Variants in NUP205 observed in about 807,000 individuals in gnomAD.
NUP205 encodes nucleoporin 205.
A neutral mutation model predicts 253.8 loss-of-function variants in NUP205; 76 were observed. That is an observed-to-expected ratio of 0.30 (90% CI 0.25 to 0.36). The LOEUF is 0.36. NUP205 is among the 10% of genes least tolerant of loss of function. The pLI is 1.00. For synonymous variants in NUP205, 832 were observed against 850.1 expected, an observed-to-expected ratio of 0.98 and a Z score of 0.37; for missense variants, 2,162 against 2,425.5, an observed-to-expected ratio of 0.89 and a Z score of 2.28.
rs1794299497 is a variant in NUP205 at position 135,614,075 on chromosome 7, T to C, written c.3196-84T>C. On this transcript the variant is annotated intron_variant, in intron 22 of 42. Coordinates refer to ENST00000285968, the MANE Select transcript of NUP205 (RefSeq NM_015135.3). The stretch of plus-strand genomic sequence containing the variant: ...TGATGGGTCCTAGTTTTTCACTTAG[T>C]AGGTCTAAGTTCATATTTTGTTACC... The C allele has an allele frequency of 5.7e-6, 4 of 703,496 alleles. No homozygotes were observed. In the East Asian group the frequency reaches 8.1e-5, roughly 14 times the overall value. The allele number at this position is 703,496 out of a possible 1,614,324, so 43.6% of individuals were successfully genotyped here. A position where few individuals can be genotyped will look rare whatever the true frequency, so the allele number is the denominator to read the frequency against.
Position 135,648,659 on chromosome 7 carries a change from AT to A in NUP205, c.*106del. ...AAATTATGACCAAAAATATTTTGCT[AT>A]TTCTTTCTTTGTATATGGACATCTT... On this transcript the variant is annotated 3_prime_UTR_variant, in exon 43 of 43. Transcript: ENST00000285968. The A allele has an allele frequency of 1.0e-6, 1 of 993,974 alleles. No individual in the cohort carries two copies. The highest frequency in any genetic ancestry group is 1.4e-6 in the Non-Finnish European group (1 of 732,710). The allele number at this position is 993,974 out of a possible 1,614,324, so 61.6% of individuals were successfully genotyped here.
chr7:135,644,838 T>C, intron 39 of NUP205, 57 bp from the exon 40 acceptor site: 1 of 1,567,394 alleles, frequency 6.4e-7, no homozygotes, highest in Non-Finnish European at 8.7e-7. Context: ...TAGTAGTTTT[T>C]CATTAAAAAT....
rs191643144 is a variant in NUP205 at position 135,647,261 on chromosome 7, C to G, written c.5886+1030C>G. 3.6e-3 allele frequency among the ~76,000 whole-genome samples: 550 copies of G among 152,308 alleles called. 6 individuals carry two copies. The highest frequency in any genetic ancestry group is 5.1e-3 in the Non-Finnish European group (350 of 68,018). On this transcript the variant is annotated intron_variant, in intron 42 of 42. Transcript: ENST00000285968. ...GTCCTTAGCCATGATTTGATAAAGC[C>G]TCTGCTCCTCCCAAATCCCTCTTTT...
intron 1 of NUP205, among the ~76,000 whole-genome samples, chr7:135,558,625 C>T (rs1805499398): frequency 6.6e-6 from 1 of 152,154 alleles, no homozygotes; most frequent in African/African-American, 2.4e-5. Flanking sequence ...TTCGGTGATT[C>T]TCAATTCGGG....
intron 2 of NUP205, among the ~76,000 whole-genome samples, chr7:135,571,552 T>G (rs1317377951): frequency 6.6e-6 from 1 of 152,056 alleles, no homozygotes. Flanking sequence ...AAAACTATCT[T>G]AAAAACTTTT....
At chr7:135,563,278 C>A (rs1419950998) in intron 1 of NUP205, among the ~76,000 whole-genome samples, 6 of 152,114 alleles carry the variant, frequency 3.9e-5, no homozygotes. Context: ...GCCTCCGCCT[C>A]CTGGGTTCAA....
intron 38 of NUP205, among the ~76,000 whole-genome samples, chr7:135,642,880 G>GTGTA (rs398006472): frequency 1.5e-3 from 207 of 141,328 alleles, no homozygotes; most frequent in Non-Finnish European, 2.0e-3. Flanking sequence ...GTGTGTGTGT[G>GTGTA]TAAGGTTTAT....
intron 13 of NUP205, among the ~76,000 whole-genome samples, chr7:135,595,741 C>T (rs1435963394): frequency 7.9e-5 from 12 of 152,060 alleles, no homozygotes; most frequent in Non-Finnish European, 8.8e-5. Flanking sequence ...GCATTCTTTT[C>T]TCTAGAGATA....
In NUP205 at chr7:135,598,162, G is replaced by A. The variant is rs1421392388; in HGVS notation, c.2229G>A (p.Val743=). Residue 743 remains valine (V), a synonymous_variant, in exon 15 of 43, where the codon GTG becomes GTA. Coordinates refer to ENST00000285968, the MANE Select transcript of NUP205 (RefSeq NM_015135.3). ...ATTTGCAGTTCCTTAGAGACTCTGT[G>A]TTTCTACGATTCCGTACAAGAGCTT... is the stretch of plus-strand genomic sequence containing the variant. ...DPYLQFLRDS[V]FLRFRTRAYR... The A allele has an allele frequency of 1.2e-6, 2 of 1,614,080 alleles. No homozygotes were observed.
In NUP205 at chr7:135,607,293, C is replaced by T; in HGVS notation, c.3117C>T (p.Ile1039=). 6.2e-7 allele frequency: 1 copy of T among 1,614,138 alleles called. No homozygotes were observed. The highest frequency in any genetic ancestry group is 8.5e-7 in the Non-Finnish European group (1 of 1,179,990). The change falls in exon 22 of 43, where the codon ATC becomes ATT. Residue 1039 remains isoleucine, a synonymous_variant. Coordinates refer to ENST00000285968, the MANE Select transcript of NUP205 (RefSeq NM_015135.3). ...PRTCLHAILN[I]LEKGTEGRTG... ...CATGCCTTCACGCCATTCTAAACAT[C>T]TTGGAGAAAGGAACGGAAGGGAGAA...
chr7:135,646,267 C>A (rs766256359), intron 42 of NUP205, 36 bp downstream of exon 42: 56 of 1,461,500 alleles, frequency 3.8e-5, no homozygotes, highest in Non-Finnish European at 5.3e-5. Context: ...TATTTTTCTT[C>A]ATTAAAGTAA....
At chr7:135,571,966 A>G (rs1254042403) in intron 2 of NUP205, among the ~76,000 whole-genome samples, 1 of 152,162 alleles carries the variant, frequency 6.6e-6, no homozygotes, top group African/African-American at 2.4e-5. Context: ...TCCTGGTTCA[A>G]GCGTTCTTCC....
intron 36 of NUP205, among the ~76,000 whole-genome samples, chr7:135,637,677 A>G (rs138932567): frequency 6.6e-5 from 10 of 152,350 alleles, no homozygotes; most frequent in African/African-American, 2.2e-4. Context: ...TTATTTGGCA[A>G]ACATTTAGAT....
chr7:135,565,557 C>T (rs966849792), intron 1 of NUP205, among the ~76,000 whole-genome samples: 7 of 151,776 alleles, frequency 4.6e-5, no homozygotes, highest in Non-Finnish European at 4.4e-5. Context: ...CTCAGCCTCC[C>T]GAGTAGCTGG....
intron 1 of NUP205, among the ~76,000 whole-genome samples, chr7:135,570,076 G>T (rs1805908975): frequency 1.3e-5 from 2 of 149,616 alleles, no homozygotes; most frequent in Non-Finnish European, 3.0e-5. Flanking sequence ...GAGAGAGAGA[G>T]AGAGAGAGAG....
intron 35 of NUP205, among the ~76,000 whole-genome samples, chr7:135,631,204 T>G (rs1033116269): frequency 6.6e-6 from 1 of 152,236 alleles, no homozygotes; most frequent in African/African-American, 2.4e-5. Context: ...TTTATTTATT[T>G]TTTTATTATA....
At chr7:135,602,671 T>C in intron 17 of NUP205, 134 bp from the exon 18 acceptor site, 1 of 704,140 alleles carries the variant, frequency 1.4e-6, no homozygotes, top group Admixed American at 3.1e-5. Flanking sequence ...GTTTTGCTGC[T>C]GAAAGTTGGA....
chr7:135,605,270 G>A (rs1313633875), intron 19 of NUP205, among the ~76,000 whole-genome samples: 1 of 152,096 alleles, frequency 6.6e-6, no homozygotes, highest in Non-Finnish European at 1.5e-5. Context: ...GCCCATCTCG[G>A]CCTCCCAAAG....
intron 1 of NUP205, 108 bp downstream of exon 1, chr7:135,558,080 TGCCTGCTTTTC>T: frequency 1.1e-6 from 1 of 938,890 alleles, no homozygotes; most frequent in Non-Finnish European, 1.8e-6. Flanking sequence ...TTATGTGCGG[TGCCTGCTTTTC>T]CCTAATTCTG....
Sources: gnomAD v4.1 joint callset for allele counts (sites outside exome capture counted in the v4.1 genomes callset) on GRCh38, gnomAD v4.1.1 for gene constraint, MANE v1.5 for transcripts, NCBI Gene and HGNC (gene_info 2026-07-23, HGNC 2026-07-21) for gene names.